Variants in ABTB2 observed in about 807,000 individuals in gnomAD.
ABTB2 encodes ankyrin repeat and BTB/POZ domain-containing protein 2.
In ABTB2, 56 loss-of-function variants were observed where a neutral mutation model predicts 104.1. The ratio of observed to expected loss-of-function variants is 0.54; its 90% CI spans 0.43 to 0.67. The LOEUF (loss-of-function observed/expected upper bound fraction) is 0.67. Among genes scored for constraint, ABTB2 ranks in the 30% least tolerant of loss-of-function variants. The probability of loss-of-function intolerance (pLI) is 0.00; values close to 1 mark genes in which losing one functional copy is unlikely to be tolerated. For synonymous variants in ABTB2, 606 were observed against 608.2 expected (o/e 1.00, Z 0.05); for missense variants, 1,279 against 1,407.7 (o/e 0.91, Z 1.46).
At chr11:34,297,151 T>G (rs1452109422) in intron 1 of ABTB2, among the ~76,000 whole-genome samples, 1 of 152,170 alleles carries the variant, frequency 6.6e-6, no homozygotes, top group Admixed American at 6.5e-5. Flanking sequence ...ACGTATTCAT[T>G]TTATATCCCC....
Position 34,152,498 on chromosome 11 carries a change from C to T in ABTB2, c.2967G>A (p.Arg989=). Residue 989 remains arginine (R), a synonymous_variant, in exon 17 of 17, where the codon CGG becomes CGA. Transcript: ENST00000435224. ...MKALLEQDAF[R]QLIYGRSSKV... ...TGCTGCTGCGGCCGTAGATGAGCTGCCGGAAGGCATCCTGCTCCAGTAGGG... is the reference window on the plus strand; with the variant it reads ...TGCTGCTGCGGCCGTAGATGAGCTGTCGGAAGGCATCCTGCTCCAGTAGGG... The T allele has an allele frequency of 5.0e-6, 8 of 1,609,960 alleles. No individual in the cohort carries two copies. The highest frequency in any genetic ancestry group is 6.8e-6 in the Non-Finnish European group (8 of 1,178,924).
At chr11:34,201,194 A>G (rs932935056) in intron 2 of ABTB2, among the ~76,000 whole-genome samples, 13 of 152,140 alleles carry the variant, frequency 8.5e-5, no homozygotes, top group African/African-American at 1.9e-4. Context: ...TGAAACTTCA[A>G]TTGATCCTAC....
chr11:34,308,730 C>T (rs1161298220), intron 1 of ABTB2, among the ~76,000 whole-genome samples: 1 of 151,620 alleles, frequency 6.6e-6, no homozygotes, highest in Non-Finnish European at 1.5e-5. Context: ...ATTAGCTGGG[C>T]GTGGGTGGCA....
At chr11:34,301,901 C>T (rs1157652647) in intron 1 of ABTB2, among the ~76,000 whole-genome samples, 7 of 152,178 alleles carry the variant, frequency 4.6e-5, no homozygotes, top group African/African-American at 9.6e-5. Context: ...GCAAAAGGAT[C>T]GCTTGTGCCC....
intron 1 of ABTB2, among the ~76,000 whole-genome samples, chr11:34,215,220 C>A (rs368982081): frequency 1.3e-5 from 2 of 152,166 alleles, no homozygotes. Context: ...GCAAAGCCAG[C>A]GCAGGGAGTG....
chr11:34,307,776 G>T (rs549814965), intron 1 of ABTB2, among the ~76,000 whole-genome samples: 1 of 151,162 alleles, frequency 6.6e-6, no homozygotes, highest in East Asian at 1.9e-4. Context: ...TCGGCTCACC[G>T]CAACCTCCGT....
intron 1 of ABTB2, among the ~76,000 whole-genome samples, chr11:34,232,449 C>CAAAAAAAAAAA (rs67998044): frequency 9.2e-4 from 106 of 115,104 alleles, no homozygotes; most frequent in Middle Eastern, 4.6e-3. Flanking sequence ...GACTCTGTCT[C>CAAAAAAAAAAA]AAAAAAAAAA....
At chr11:34,247,216 G>A (rs1227632657) in intron 1 of ABTB2, among the ~76,000 whole-genome samples, 2 of 152,182 alleles carry the variant, frequency 1.3e-5, no homozygotes, top group Non-Finnish European at 2.9e-5. Flanking sequence ...GTTGGCTGGT[G>A]GAGCCACCGC....
intron 1 of ABTB2, among the ~76,000 whole-genome samples, chr11:34,280,162 G>A (rs1206441907): frequency 6.6e-6 from 1 of 152,118 alleles, no homozygotes; most frequent in Non-Finnish European, 1.5e-5. Flanking sequence ...AGAACATTGA[G>A]TCACAAGGCT....
intron 3 of ABTB2, among the ~76,000 whole-genome samples, chr11:34,179,438 G>A (rs973123871): frequency 4.6e-5 from 7 of 152,198 alleles, no homozygotes; most frequent in Non-Finnish European, 8.8e-5. Context: ...GGACAAAGCT[G>A]GTAGGGGCTG....
intron 1 of ABTB2, among the ~76,000 whole-genome samples, chr11:34,297,666 T>C (rs1171410734): frequency 6.6e-6 from 1 of 150,728 alleles, no homozygotes; most frequent in Non-Finnish European, 1.5e-5. Context: ...CTCAGGAGGC[T>C]GAGGCAGAAG....
intron 1 of ABTB2, among the ~76,000 whole-genome samples, chr11:34,281,560 G>A (rs757678408): frequency 2.6e-4 from 40 of 152,114 alleles, no homozygotes; most frequent in Non-Finnish European, 4.7e-4. Flanking sequence ...ACAGCCCTTC[G>A]GGGACTCCCG....
intron 1 of ABTB2, among the ~76,000 whole-genome samples, chr11:34,208,358 T>A (rs998854476): frequency 4.6e-5 from 7 of 152,216 alleles, no homozygotes; most frequent in South Asian, 2.1e-4. Context: ...ACATTTGCCT[T>A]TATTCCTTTA....
chr11:34,290,258 GA>G (rs1285972285), intron 1 of ABTB2, among the ~76,000 whole-genome samples: 1 of 152,176 alleles, frequency 6.6e-6, no homozygotes, highest in Non-Finnish European at 1.5e-5. Flanking sequence ...ACGATCCCAT[GA>G]ATAATTTGCA....
chr11:34,232,103 T>C (rs1163614091), intron 1 of ABTB2, among the ~76,000 whole-genome samples: 2 of 152,134 alleles, frequency 1.3e-5, no homozygotes, highest in East Asian at 3.9e-4. Context: ...GGAAACGGTG[T>C]GGGGTATCTG....
rs1395847065 is a variant in ABTB2 at position 34,291,559 on chromosome 11, A to G, written c.883+65142T>C. 3.9e-5 allele frequency among the ~76,000 whole-genome samples: 6 copies of G among 152,250 alleles called. No homozygotes were observed. In the East Asian group the frequency reaches 1.2e-3, roughly 29 times the overall value. ...TGCCCAGGCTGGAGTGCAATGGTGCAGTCTTGGCTCACTGCAACTTCTGCC... is the reference window on the plus strand; with the variant it reads ...TGCCCAGGCTGGAGTGCAATGGTGCGGTCTTGGCTCACTGCAACTTCTGCC... On this transcript the variant is annotated intron_variant, in intron 1 of 16. Transcript: ENST00000435224.
intron 1 of ABTB2, among the ~76,000 whole-genome samples, chr11:34,289,941 G>A (rs562775063): frequency 6.6e-6 from 1 of 152,284 alleles, no homozygotes; most frequent in East Asian, 1.9e-4. Context: ...GTAACTTTTA[G>A]GCAAGGCCTG....
intron 1 of ABTB2, among the ~76,000 whole-genome samples, chr11:34,236,947 T>C (rs1421773075): frequency 6.6e-6 from 1 of 152,156 alleles, no homozygotes; most frequent in Non-Finnish European, 1.5e-5. Context: ...CTCAAGTTTA[T>C]GAGAAAGTTG....
intron 1 of ABTB2, among the ~76,000 whole-genome samples, chr11:34,253,122 G>T (rs930812207): frequency 6.6e-6 from 1 of 152,190 alleles, no homozygotes; most frequent in African/African-American, 2.4e-5. Context: ...AGCTCCTCCA[G>T]GTGGAAAGCA....
Sources: gnomAD v4.1 joint callset for allele counts (sites outside exome capture counted in the v4.1 genomes callset) on GRCh38, gnomAD v4.1.1 for gene constraint, MANE v1.5 for transcripts, NCBI Gene and HGNC (gene_info 2026-07-23, HGNC 2026-07-21) for gene names.